The following ACOX3 variants were observed in gnomAD, a reference collection of about 807,000 sequenced individuals.
ACOX3 encodes the protein acyl-CoA oxidase 3, pristanoyl.
In ACOX3, 73 loss-of-function variants were observed where a neutral mutation model predicts 81.5. That is an observed-to-expected ratio of 0.90 (90% CI 0.74 to 1.09). The LOEUF (loss-of-function observed/expected upper bound fraction) is 1.09. Among genes scored for constraint, ACOX3 ranks in the 50% least tolerant of loss-of-function variants. ACOX3 has a pLI of 0.00. For missense variants in ACOX3, 947 were observed against 928.0 expected (o/e 1.02, Z -0.27); for synonymous variants, 387 against 375.1 (o/e 1.03, Z -0.37).
In ACOX3 at chr4:8,416,712, G is replaced by A. The variant is rs568881263; in HGVS notation, c.-14-177C>T. Among the ~76,000 whole-genome samples the A allele has an allele frequency of 1.8e-4, 27 of 152,364 alleles. No homozygotes were observed. Among genetic ancestry groups the A allele is most frequent in the African/African-American group, 6.0e-4 (25 of 41,580 alleles). On this transcript the variant is annotated intron_variant, in intron 1 of 17. Transcript: ENST00000356406. The surrounding 1 kb of genome is among the most constrained non-coding windows in gnomAD (Gnocchi z 4.2). ...TAGCATCATTTTCCCAGAAGAAAAG[G>A]CGAGAAGAATTCCCTCGTCCACTCC...
In ACOX3 at chr4:8,437,916, T is replaced by G. The variant is rs139626738; in HGVS notation, c.-15+2732A>C. 6.0e-4 allele frequency among the ~76,000 whole-genome samples: 92 copies of G among 152,298 alleles called. 1 individual carries two copies. In the East Asian group the frequency reaches 0.017, roughly 28 times the overall value. On this transcript the variant is annotated intron_variant, in intron 1 of 17. Transcript: ENST00000356406. This position sits in a 1 kb window ranked among gnomAD's most constrained non-coding sequence, Gnocchi z 5.2. ...AGGCTCCCAGGAGCCCATTGTCACATTAGAAGTTAAAAGCAGCAGGATTCT... is the reference window on the plus strand; with the variant it reads ...AGGCTCCCAGGAGCCCATTGTCACAGTAGAAGTTAAAAGCAGCAGGATTCT...
chr4:8,362,491 G>C (rs1428654332), downstream of ACOX3, among the ~76,000 whole-genome samples: 1 of 152,198 alleles, frequency 6.6e-6, no homozygotes, highest in Non-Finnish European at 1.5e-5. Flanking sequence ...ATAGTTATTT[G>C]CATAAGTGCA....
intron 14 of ACOX3, among the ~76,000 whole-genome samples, chr4:8,376,278 T>C (rs976687988): frequency 2.0e-5 from 3 of 152,196 alleles, no homozygotes; most frequent in African/African-American, 7.2e-5. Context: ...TCTTACCAGA[T>C]TTTTTAAATT....
chr4:8,420,333 T>C (rs1332229400), intron 1 of ACOX3, among the ~76,000 whole-genome samples: 2 of 152,218 alleles, frequency 1.3e-5, no homozygotes, highest in African/African-American at 4.8e-5. Context: ...TCCTAAGATC[T>C]GTGCACCTTG....
intron 6 of ACOX3, among the ~76,000 whole-genome samples, chr4:8,408,410 C>G (rs565055107): frequency 5.3e-5 from 8 of 152,322 alleles, no homozygotes; most frequent in African/African-American, 1.9e-4. Context: ...GAGGCCGTGG[C>G]TCTGGGAGGT....
chr4:8,376,628 C>T (rs1451696006), intron 14 of ACOX3, among the ~76,000 whole-genome samples: 1 of 152,164 alleles, frequency 6.6e-6, no homozygotes, highest in African/African-American at 2.4e-5. Context: ...GTCCCAAGAC[C>T]CCCGCTGGGC....
At chr4:8,380,409 T>G (rs915567813) in intron 14 of ACOX3, among the ~76,000 whole-genome samples, 1 of 152,130 alleles carries the variant, frequency 6.6e-6, no homozygotes, top group Non-Finnish European at 1.5e-5. Context: ...CAGGATGGTC[T>G]TGATCTCCTG....
chr4:8,428,829 C>A (rs529139429), intron 1 of ACOX3, among the ~76,000 whole-genome samples: 1 of 152,198 alleles, frequency 6.6e-6, no homozygotes, highest in Non-Finnish European at 1.5e-5. Flanking sequence ...AATCCCAGCG[C>A]TTTCGGAGGC....
At position 8,368,004 on chromosome 4, in the gene ACOX3, A is replaced by G. The variant is rs1715684434; in HGVS notation, c.1984-924T>C. On this transcript the variant is annotated intron_variant, in intron 17 of 17. Coordinates refer to ENST00000356406, the MANE Select transcript of ACOX3 (RefSeq NM_003501.3). The surrounding 1 kb of genome is among the most constrained non-coding windows in gnomAD (Gnocchi z 5.9). ...GAGATCCTATCTCAAAAAAAAAAAA[A>G]AAGAACTGATCGTGGCAGTGGACAC... is the stretch of plus-strand genomic sequence containing the variant. Among the ~76,000 whole-genome samples, 1 of 151,732 alleles carries G rather than the reference A, an allele frequency of 6.6e-6. No homozygotes were observed. The highest frequency in any genetic ancestry group is 2.1e-4 in the South Asian group (1 of 4,814).
rs1446822004 is a variant in ACOX3, at chr4:8,382,773, AC to A, written c.1538-1167del. Reference sequence around the variant, plus strand: ...TTTGGGAGGCAGAGGCGGGCGGATCACGAGGTCAGGAGATCGAGACCATCCT... The same window carrying A: ...TTTGGGAGGCAGAGGCGGGCGGATCAGAGGTCAGGAGATCGAGACCATCCT... On this transcript the variant is annotated intron_variant, in intron 13 of 17. Coordinates refer to ENST00000356406, the MANE Select transcript of ACOX3 (RefSeq NM_003501.3). The surrounding 1 kb of genome is among the most constrained non-coding windows in gnomAD (Gnocchi z 4.1). Among the ~76,000 whole-genome samples the A allele has an allele frequency of 6.6e-6, 1 of 152,078 alleles. No individual in the cohort carries two copies. The highest frequency in any genetic ancestry group is 2.4e-5 in the African/African-American group (1 of 41,416).
intron 1 of ACOX3, chr4:8,439,353 T>C (rs1560213021): frequency 6.6e-6 from 1 of 152,152 alleles, no homozygotes; most frequent in Non-Finnish European, 1.5e-5. Context: ...CCTCCTCCTT[T>C]AGCAAAACAA....
At chr4:8,436,876 C>T (rs1471783223) in intron 1 of ACOX3, among the ~76,000 whole-genome samples, 2 of 147,830 alleles carry the variant, frequency 1.4e-5, no homozygotes, top group African/African-American at 5.0e-5. Context: ...GCTGTAGTCC[C>T]AGCTACTCGG....
intron 6 of ACOX3, among the ~76,000 whole-genome samples, chr4:8,408,464 G>A (rs1459941879): frequency 6.6e-6 from 1 of 152,080 alleles, no homozygotes; most frequent in Non-Finnish European, 1.5e-5. Flanking sequence ...CGAGAGGGGC[G>A]ACACAATCCT....
At chr4:8,379,344 C>T (rs1448580238) in intron 14 of ACOX3, among the ~76,000 whole-genome samples, 1 of 152,196 alleles carries the variant, frequency 6.6e-6, no homozygotes, top group Non-Finnish European at 1.5e-5. Flanking sequence ...GTCCCCTGCT[C>T]TTAAAAGCTC....
chr4:8,434,667 C>G (rs774879072), intron 1 of ACOX3, among the ~76,000 whole-genome samples: 2 of 152,282 alleles, frequency 1.3e-5, no homozygotes, highest in African/African-American at 2.4e-5. Context: ...GTCTTTGGAA[C>G]TTGCACACTC....
the ACOX3 span, chr4:8,357,197 G>C: frequency 3.3e-5 from 15 of 456,678 alleles, no homozygotes; most frequent in African/African-American, 2.2e-4. Context: ...CAGCAGGTGA[G>C]GGAAAGGAGA....
chr4:8,410,808 C>A (rs1008167369), intron 5 of ACOX3, among the ~76,000 whole-genome samples: 1 of 152,236 alleles, frequency 6.6e-6, no homozygotes, highest in Non-Finnish European at 1.5e-5. Context: ...TGCTGTCTCT[C>A]CCATCCACAG....
At chr4:8,396,894 A>G (rs765370142) in intron 9 of ACOX3, 43 bp downstream of exon 9, 1 of 1,585,516 alleles carries the variant, frequency 6.3e-7, no homozygotes, top group South Asian at 1.2e-5. Context: ...GAATTTGCAT[A>G]TAAAATAGAG....
intron 1 of ACOX3, among the ~76,000 whole-genome samples, chr4:8,438,315 G>A (rs917892239): frequency 3.3e-5 from 5 of 152,174 alleles, no homozygotes; most frequent in Non-Finnish European, 7.3e-5. Context: ...AAAATAAAAT[G>A]GAAGTTACAC....
Sources: gnomAD v4.1 joint callset for allele counts (sites outside exome capture counted in the v4.1 genomes callset) on GRCh38, gnomAD v4.1.1 for gene constraint, Gnocchi (gnomAD v3.1) non-coding constraint, MANE v1.5 for transcripts, NCBI Gene and HGNC (gene_info 2026-07-23, HGNC 2026-07-21) for gene names.